The following ZNF462 variants were observed in gnomAD, a reference collection of about 807,000 sequenced individuals.
The protein encoded by ZNF462 is zinc finger PBX1-interacting protein.
In ZNF462, 10 loss-of-function variants were observed where a neutral mutation model predicts 201.9. That is an observed-to-expected ratio of 0.05 (90% confidence interval 0.03 to 0.08). ZNF462 has a LOEUF of 0.08. ZNF462 is among the 10% of genes least tolerant of loss of function. The pLI, the probability that ZNF462 is intolerant of heterozygous loss-of-function variation, is 1.00. For synonymous variants in ZNF462, 1,227 were observed against 1,193.3 expected (o/e 1.03, Z -0.58); for missense variants, 2,523 against 3,168.3 (o/e 0.80, Z 4.89).
At chr9:107,004,007 G>A (rs575214332) in intron 11 of ZNF462, among the ~76,000 whole-genome samples, 2 of 152,254 alleles carry the variant, frequency 1.3e-5, no homozygotes, top group East Asian at 3.9e-4. Flanking sequence ...GGAAGGTTTT[G>A]TGGGACTTTG....
At chr9:106,906,743 A>G (rs1829290666) in intron 1 of ZNF462, among the ~76,000 whole-genome samples, 1 of 152,236 alleles carries the variant, frequency 6.6e-6, no homozygotes, top group South Asian at 2.1e-4. Flanking sequence ...TAAATGTTTA[A>G]CGTGTTGAAA....
rs1828038197 is a variant in ZNF462, at chr9:106,880,383, C to T, written c.-31+17028C>T. On this transcript the variant is annotated intron_variant, in intron 1 of 12. Coordinates refer to ENST00000277225, the MANE Select transcript of ZNF462 (RefSeq NM_021224.6). This position sits in a 1 kb window ranked among gnomAD's most constrained non-coding sequence, Gnocchi z 4.1. ...TGAATTCCTTCTTTCAGCTACCTTA[C>T]CACTTGTTTTCCATAGTTGAGAAAA... 6.6e-6 allele frequency among the ~76,000 whole-genome samples: 1 copy of T among 152,228 alleles called. No homozygotes were observed. Among genetic ancestry groups the T allele is most frequent in the Non-Finnish European group, 1.5e-5 (1 of 68,038 alleles).
At position 106,902,290 on chromosome 9, in the gene ZNF462, A is replaced by G. The variant is rs1418854909; in HGVS notation, c.-30-21064A>G. ...GAAACCCACTTGATCATGGTGGATT[A>G]TCTTTTTGATATGTTGTTGAATTTG... On this transcript the variant is annotated intron_variant, in intron 1 of 12. Coordinates refer to ENST00000277225, the MANE Select transcript of ZNF462 (RefSeq NM_021224.6). The surrounding 1 kb of genome is among the most constrained non-coding windows in gnomAD (Gnocchi z 4.2). Among the ~76,000 whole-genome samples the G allele has an allele frequency of 3.3e-5, 5 of 152,126 alleles. No individual in the cohort carries two copies. In the South Asian group the frequency reaches 1.0e-3, roughly 31 times the overall value.
At position 106,974,318 on chromosome 9, in the gene ZNF462, C is replaced by T. The variant is rs773774613; in HGVS notation, c.6832+45C>T. 2 of 1,613,724 alleles carry T rather than the reference C, an allele frequency of 1.2e-6. No homozygotes were observed. ...TTTCTTGGATGCAGCGGGGGGCAGG[C>T]AGCAGAGATGGCCTTCTAGGGATGC... On this transcript the variant is annotated intron_variant, in intron 9 of 12. Coordinates refer to ENST00000277225, the MANE Select transcript of ZNF462 (RefSeq NM_021224.6). The surrounding 1 kb of genome is among the most constrained non-coding windows in gnomAD (Gnocchi z 4.0).
chr9:106,938,422 CA>C lies in ZNF462; in HGVS notation c.6236-493del. ...AATGTGTATAGTTAGCAAGGAAGTA[CA>C]GAATAGAATAGCACAACAGAGCTTG... On this transcript the variant is annotated intron_variant, in intron 6 of 12. Transcript: ENST00000277225. The surrounding 1 kb of genome is among the most constrained non-coding windows in gnomAD (Gnocchi z 4.4). 6.6e-6 allele frequency among the ~76,000 whole-genome samples: 1 copy of C among 152,222 alleles called. No homozygotes were observed. The highest frequency in any genetic ancestry group is 3.4e-3 in the Middle Eastern group (1 of 294).
chr9:107,003,173 G>A lies in ZNF462; in HGVS notation c.7057-121G>A. ...AAAAGACCTCTTAGGCCCCGGAGTT[G>A]TTTGGTCCTGGTTGCAAAACCACAG... On this transcript the variant is annotated intron_variant, in intron 10 of 12. Transcript: ENST00000277225. This position sits in a 1 kb window ranked among gnomAD's most constrained non-coding sequence, Gnocchi z 4.4. The A allele has an allele frequency of 7.2e-7, 1 of 1,383,084 alleles. No individual in the cohort carries two copies. Among genetic ancestry groups the A allele is most frequent in the Non-Finnish European group, 9.8e-7 (1 of 1,017,888 alleles). 85.7% of individuals were successfully genotyped at this position (1,383,084 alleles called of 1,614,324 possible).
rs913718135 is a variant in ZNF462, at chr9:106,962,526, C to A, written c.6428-9479C>A. On this transcript the variant is annotated intron_variant, in intron 7 of 12. Coordinates refer to ENST00000277225, the MANE Select transcript of ZNF462 (RefSeq NM_021224.6). The surrounding 1 kb of genome is among the most constrained non-coding windows in gnomAD (Gnocchi z 4.6). ...CATGAGGCTTCACACAAAATAAGGT[C>A]TTTGAGAAACCTTTTCAGTGAATGT... 6.6e-6 allele frequency among the ~76,000 whole-genome samples: 1 copy of A among 151,924 alleles called. No individual in the cohort carries two copies. Among genetic ancestry groups the A allele is most frequent in the African/African-American group, 2.4e-5 (1 of 41,388 alleles).
intron 1 of ZNF462, among the ~76,000 whole-genome samples, chr9:106,912,030 A>G (rs1829571333): frequency 6.6e-6 from 1 of 152,204 alleles, no homozygotes; most frequent in Non-Finnish European, 1.5e-5. Flanking sequence ...ATGTTCCACA[A>G]AGAGGCTGGC....
chr9:106,917,777 A>G lies in ZNF462; in HGVS notation c.-30-5577A>G, dbSNP rs966095510. On this transcript the variant is annotated intron_variant, in intron 1 of 12. Coordinates refer to ENST00000277225, the MANE Select transcript of ZNF462 (RefSeq NM_021224.6). The surrounding 1 kb of genome is among the most constrained non-coding windows in gnomAD (Gnocchi z 4.5). Reference sequence around the variant, plus strand: ...AGAATCTGTAGTAGTACCAAATGCTATGGGATTGTTGGAGGTAGCTTGTTG... The same window carrying G: ...AGAATCTGTAGTAGTACCAAATGCTGTGGGATTGTTGGAGGTAGCTTGTTG... Among the ~76,000 whole-genome samples the G allele has an allele frequency of 1.3e-5, 2 of 152,074 alleles. No individual in the cohort carries two copies. The highest frequency in any genetic ancestry group is 4.8e-5 in the African/African-American group (2 of 41,408).
intron 1 of ZNF462, among the ~76,000 whole-genome samples, chr9:106,868,613 A>T (rs902019285): frequency 6.6e-6 from 1 of 152,206 alleles, no homozygotes; most frequent in Non-Finnish European, 1.5e-5. Context: ...TTTAGGCCCT[A>T]GATCATTTAG....
chr9:106,974,484 A>G lies in ZNF462; in HGVS notation c.6832+211A>G. On this transcript the variant is annotated intron_variant, in intron 9 of 12. Transcript: ENST00000277225. This position sits in a 1 kb window ranked among gnomAD's most constrained non-coding sequence, Gnocchi z 4.0. Reference sequence around the variant, plus strand: ...TATTTCCTCCACCTGGAGGGAGGCAAAGGTGATGGATTCTGCAGTGAACAT... The same window carrying G: ...TATTTCCTCCACCTGGAGGGAGGCAGAGGTGATGGATTCTGCAGTGAACAT... The G allele has an allele frequency of 1.5e-6, 1 of 677,518 alleles. No individual in the cohort carries two copies. Among genetic ancestry groups the G allele is most frequent in the Non-Finnish European group, 2.6e-6 (1 of 387,322 alleles). 42.0% of individuals were successfully genotyped at this position (677,518 alleles called of 1,614,324 possible).
At chr9:106,899,957 C>T (rs1050335503) in intron 1 of ZNF462, among the ~76,000 whole-genome samples, 3 of 152,048 alleles carry the variant, frequency 2.0e-5, no homozygotes, top group Non-Finnish European at 2.9e-5. Flanking sequence ...CACATATACA[C>T]TGCACCATAT....
At chr9:106,884,713 G>A (rs1026494385) in intron 1 of ZNF462, among the ~76,000 whole-genome samples, 4 of 152,194 alleles carry the variant, frequency 2.6e-5, no homozygotes, top group Non-Finnish European at 5.9e-5. Context: ...ATTCACCCAA[G>A]TACATTTTTG....
At chr9:106,912,115 G>C (rs1462099896) in intron 1 of ZNF462, among the ~76,000 whole-genome samples, 1 of 152,122 alleles carries the variant, frequency 6.6e-6, no homozygotes, top group African/African-American at 2.4e-5. Context: ...GCTATGTCCA[G>C]ATCCTCCTAA....
At chr9:106,881,044 G>A (rs933047875) in intron 1 of ZNF462, among the ~76,000 whole-genome samples, 45 of 152,114 alleles carry the variant, frequency 3.0e-4, no homozygotes, top group Non-Finnish European at 5.3e-4. Flanking sequence ...CCTTTCCTGC[G>A]TCATTCCAGG....
At chr9:107,000,961 G>T (rs769218217) in intron 10 of ZNF462, among the ~76,000 whole-genome samples, 11 of 152,176 alleles carry the variant, frequency 7.2e-5, no homozygotes, top group Non-Finnish European at 1.3e-4. Context: ...ATGAATGAAT[G>T]AATGAATTAA....
rs1304150436 is a variant in ZNF462, at chr9:106,926,174, C to T, written c.2262C>T (p.Ser754=). ...PTEPIIEVPT[S]FSAQQIWVRD... ...AACCCATCATAGAGGTTCCCACTTC[C>T]TTTTCTGCCCAACAGATATGGGTAA... The change falls in exon 3 of 13, where the codon TCC becomes TCT. Residue 754 remains serine, a synonymous_variant. Coordinates refer to ENST00000277225, the MANE Select transcript of ZNF462 (RefSeq NM_021224.6). The surrounding 1 kb of genome is among the most constrained non-coding windows in gnomAD (Gnocchi z 7.9). 6.2e-6 allele frequency: 10 copies of T among 1,614,066 alleles called. No homozygotes were observed. The South Asian group carries it at 9.9e-5, about 16-fold the overall frequency.
At position 106,981,241 on chromosome 9, in the gene ZNF462, A is replaced by G. The variant is rs1313466660; in HGVS notation, c.6833-2945A>G. On this transcript the variant is annotated intron_variant, in intron 9 of 12. Coordinates refer to ENST00000277225, the MANE Select transcript of ZNF462 (RefSeq NM_021224.6). This position sits in a 1 kb window ranked among gnomAD's most constrained non-coding sequence, Gnocchi z 4.0. ...GATTTGACCCTTTCCTCAAATGTAG[A>G]AGGTGCTTGAAAGACATTCAGATAT... 6.6e-6 allele frequency among the ~76,000 whole-genome samples: 1 copy of G among 152,216 alleles called. No individual in the cohort carries two copies. The highest frequency in any genetic ancestry group is 1.9e-4 in the East Asian group (1 of 5,192).
intron 1 of ZNF462, among the ~76,000 whole-genome samples, chr9:106,908,317 C>A (rs1829360019): frequency 6.6e-6 from 1 of 151,978 alleles, no homozygotes; most frequent in Non-Finnish European, 1.5e-5. Context: ...CTGTTGCCAT[C>A]TTTATTTCTT....
Sources: gnomAD v4.1 joint callset for allele counts (sites outside exome capture counted in the v4.1 genomes callset) on GRCh38, gnomAD v4.1.1 for gene constraint, Gnocchi (gnomAD v3.1) non-coding constraint, MANE v1.5 for transcripts, NCBI Gene and HGNC (gene_info 2026-07-23, HGNC 2026-07-21) for gene names.